The following FAM185A variants were observed in gnomAD, a reference collection of about 807,000 sequenced individuals.
FAM185A encodes the protein family with sequence similarity 185 member A.
In FAM185A, 21 loss-of-function variants were observed where a neutral mutation model predicts 45.7. The ratio of observed to expected loss-of-function variants is 0.46; its 90% CI spans 0.33 to 0.66. The LOEUF is 0.66. FAM185A is among the 30% of genes least tolerant of loss of function. FAM185A has a pLI of 0.03. For missense variants in FAM185A, 305 were observed against 485.4 expected (o/e 0.63, Z 3.49); for synonymous variants, 117 against 194.0 (o/e 0.60, Z 3.30).
chr7:102,750,453 C>T (rs1793294680), intron 1 of FAM185A, among the ~76,000 whole-genome samples: 2 of 152,146 alleles, frequency 1.3e-5, no homozygotes, highest in South Asian at 2.1e-4. Flanking sequence ...CCTTATCCAC[C>T]GTTTGGCTGT....
chr7:102,776,712 A>AAAAAAAG (rs1424352165), intron 5 of FAM185A, among the ~76,000 whole-genome samples: 134 of 151,438 alleles, frequency 8.8e-4, no homozygotes, highest in Non-Finnish European at 1.5e-3. Context: ...TAAAAAAAAA[A>AAAAAAAG]AAAAAAAGAA....
intron 2 of FAM185A, among the ~76,000 whole-genome samples, chr7:102,754,631 C>G (rs1271690734): frequency 6.6e-6 from 1 of 152,370 alleles, no homozygotes; most frequent in East Asian, 1.9e-4. Flanking sequence ...GATTGAGGAA[C>G]TCACTTGCGT....
chr7:102,843,456 C>CA, the FAM185A span, among the ~76,000 whole-genome samples: 77 of 151,328 alleles, frequency 5.1e-4, no homozygotes, highest in Non-Finnish European at 2.7e-4. Flanking sequence ...AAAACAAAAA[C>CA]AAAAAACAAA....
chr7:102,838,504 G>A, the FAM185A span, among the ~76,000 whole-genome samples: 2 of 151,906 alleles, frequency 1.3e-5, no homozygotes, highest in Non-Finnish European at 2.9e-5. Flanking sequence ...AGGCTGGAGT[G>A]CAGTGGTGTA....
chr7:102,835,603 G>GTTT, the FAM185A span, among the ~76,000 whole-genome samples: 2,676 of 97,414 alleles, frequency 0.027, 55 homozygotes, highest in Non-Finnish European at 0.032. Context: ...AGGTGACATT[G>GTTT]TTTTTTTTTT....
At chr7:102,806,996 G>C (rs758171889) in intron 7 of FAM185A, among the ~76,000 whole-genome samples, 1 of 152,172 alleles carries the variant, frequency 6.6e-6, no homozygotes, top group African/African-American at 2.4e-5. Flanking sequence ...CTAATGAGCA[G>C]GCATTGAGGA....
At chr7:102,849,328 A>G in the FAM185A span, among the ~76,000 whole-genome samples, 2 of 152,230 alleles carry the variant, frequency 1.3e-5, no homozygotes, top group African/African-American at 4.8e-5. Context: ...GCCAGATCCT[A>G]AAAGTCAATA....
At chr7:102,835,611 T>TG in the FAM185A span, among the ~76,000 whole-genome samples, 5 of 91,142 alleles carry the variant, frequency 5.5e-5, no homozygotes, top group Non-Finnish European at 9.8e-5. Context: ...TTGTTTTTTT[T>TG]TTTTTTTTTT....
chr7:102,776,896 T>C (rs1247960130), intron 5 of FAM185A, among the ~76,000 whole-genome samples: 1 of 151,816 alleles, frequency 6.6e-6, no homozygotes. Context: ...TATTGAAAGT[T>C]TACTAAATGT....
intron 6 of FAM185A, among the ~76,000 whole-genome samples, chr7:102,786,230 G>C (rs990807717): frequency 2.0e-5 from 3 of 152,168 alleles, no homozygotes; most frequent in Non-Finnish European, 4.4e-5. Context: ...TACACTGTTG[G>C]GTGGACTGTA....
chr7:102,776,716 A>G (rs890071997), intron 5 of FAM185A, among the ~76,000 whole-genome samples: 14 of 151,382 alleles, frequency 9.2e-5, no homozygotes, highest in African/African-American at 1.9e-4. Context: ...AAAAAAAAAA[A>G]AAAGAAAAAA....
chr7:102,827,326 A>G, the FAM185A span, among the ~76,000 whole-genome samples: 1 of 152,164 alleles, frequency 6.6e-6, no homozygotes, highest in Admixed American at 6.5e-5. Context: ...CTCCTTGGGC[A>G]ACCCTGGGGC....
intron 2 of FAM185A, among the ~76,000 whole-genome samples, chr7:102,753,203 T>C (rs527847256): frequency 1.3e-5 from 2 of 152,136 alleles, no homozygotes; most frequent in African/African-American, 4.8e-5. Context: ...TTTTTGTCCT[T>C]AGAAATATTT....
chr7:102,749,267 C>T lies in FAM185A; in HGVS notation c.60C>T (p.Val20=). ...GCTTCCGTCTCTGTCTCCGTCAGGT[C>T]CGACTGTGGGCTGGCGCTGGGCGCT... ...LGCFRLCLRQ[V]RLWAGAGRWA... Residue 20 remains valine (V), a synonymous_variant, in exon 1 of 8, where the codon GTC becomes GTT. Coordinates refer to ENST00000413034, the MANE Select transcript of FAM185A (RefSeq NM_001145268.2). 6.4e-7 allele frequency: 1 copy of T among 1,550,592 alleles called. No homozygotes were observed. The highest frequency in any genetic ancestry group is 1.2e-5 in the South Asian group (1 of 84,036).
chr7:102,811,366 T>C (rs545205122), downstream of FAM185A, among the ~76,000 whole-genome samples: 1 of 152,218 alleles, frequency 6.6e-6, no homozygotes, highest in South Asian at 2.1e-4. Flanking sequence ...CTTTGATATT[T>C]TGAGTAGTTT....
In FAM185A at chr7:102,751,749, A is replaced by T. The variant is rs1251414125; in HGVS notation, c.509A>T (p.Asp170Val). The change falls in exon 2 of 8, where the codon GAT (aspartate) becomes GTT (valine). Residue 170 changes from aspartate to valine, a missense_variant. Asp to Val is a radical substitution (Grantham distance 152, BLOSUM62 -3). Coordinates refer to ENST00000413034, the MANE Select transcript of FAM185A (RefSeq NM_001145268.2). ...GCVKVQSIEG[D>V]NCKIETEHGT... ...GTAAAAGTTCAAAGTATTGAGGGTG[A>T]TAATTGCAAAATTGAAACAGAGCAT... The T allele has an allele frequency of 6.4e-7, 1 of 1,551,518 alleles. No homozygotes were observed. Among genetic ancestry groups the T allele is most frequent in the South Asian group, 1.2e-5 (1 of 84,032 alleles).
intron 4 of FAM185A, among the ~76,000 whole-genome samples, chr7:102,765,513 C>A (rs1276061239): frequency 6.6e-6 from 1 of 151,680 alleles, no homozygotes; most frequent in African/African-American, 2.4e-5. Flanking sequence ...AAAGCAACAT[C>A]TAACATACTA....
At chr7:102,795,557 A>G (rs28372464) in intron 7 of FAM185A, among the ~76,000 whole-genome samples, 311 of 152,302 alleles carry the variant, frequency 2.0e-3, no homozygotes, top group African/African-American at 7.0e-3. Context: ...GGGAAAAGGG[A>G]ACTGCTCTTG....
rs1329254505 is a variant in FAM185A, at chr7:102,749,011, T to C, written c.-197T>C. 1 of 872,966 alleles carries C rather than the reference T, an allele frequency of 1.1e-6. No individual in the cohort carries two copies. Among genetic ancestry groups the C allele is most frequent in the Non-Finnish European group, 1.9e-6 (1 of 539,542 alleles). The allele number at this position is 872,966 out of a possible 1,614,324, so 54.1% of individuals were successfully genotyped here. ...CAGGTCAGAGTTTAGAGCTTTCAAA[T>C]CCCAACTTGCCCCTGGGGATTGCGC... On this transcript the variant is annotated 5_prime_UTR_variant, in exon 1 of 8. Coordinates refer to ENST00000413034, the MANE Select transcript of FAM185A (RefSeq NM_001145268.2).
Sources: allele counts gnomAD v4.1 joint callset (sites outside exome capture counted in the v4.1 genomes callset), GRCh38; gene constraint gnomAD v4.1.1; transcripts MANE v1.5; gene names NCBI Gene and HGNC (gene_info 2026-07-23, HGNC 2026-07-21).